CFDP1: variants seen among roughly 807,000 people sequenced by gnomAD.
CFDP1 encodes heterochromatin-stabilizing protein CFDP1.
Under a neutral mutation model 40.1 loss-of-function variants are expected in CFDP1, and 31 were observed. The observed-to-expected ratio is 0.77, with a 90% CI of 0.58 to 1.04. CFDP1 has a LOEUF of 1.04. CFDP1 is among the 50% of genes least tolerant of loss of function. CFDP1 has a pLI of 0.00. For synonymous variants in CFDP1, 167 were observed against 120.0 expected (o/e 1.39, Z -2.56); for missense variants, 423 against 343.4 (o/e 1.23, Z -1.83).
intron 5 of CFDP1, among the ~76,000 whole-genome samples, chr16:75,381,768 G>A (rs1184443936): frequency 6.6e-6 from 1 of 152,176 alleles, no homozygotes; most frequent in African/African-American, 2.4e-5. Flanking sequence ...CTTGCAAGCA[G>A]CAAGAGATAT....
chr16:75,362,409 C>T (rs888566109), intron 5 of CFDP1, among the ~76,000 whole-genome samples: 2 of 152,200 alleles, frequency 1.3e-5, no homozygotes, highest in African/African-American at 2.4e-5. Context: ...CTCCCGTCTT[C>T]CAGGCAAGGC....
At chr16:75,430,150 G>A (rs1288429861) in intron 1 of CFDP1, among the ~76,000 whole-genome samples, 3 of 143,512 alleles carry the variant, frequency 2.1e-5, no homozygotes, top group African/African-American at 5.1e-5. Context: ...AGAGGTTGTG[G>A]AGACCAGAGG....
chr16:75,427,062 AAC>A (rs1197185286), intron 1 of CFDP1, among the ~76,000 whole-genome samples: 5 of 151,812 alleles, frequency 3.3e-5, no homozygotes, highest in African/African-American at 1.2e-4. Context: ...AAAAAAAAAA[AAC>A]AAAACAAATA....
intron 6 of CFDP1, among the ~76,000 whole-genome samples, chr16:75,297,192 G>A (rs1307862439): frequency 6.6e-6 from 1 of 150,804 alleles, no homozygotes; most frequent in Non-Finnish European, 1.5e-5. Flanking sequence ...GTGTGTGTGT[G>A]TGTTTTTAGT....
intron 6 of CFDP1, among the ~76,000 whole-genome samples, chr16:75,301,275 T>G (rs1284979634): frequency 6.6e-6 from 1 of 152,130 alleles, no homozygotes; most frequent in East Asian, 1.9e-4. Context: ...GAGCCAAGAT[T>G]TGAATTGTTT....
At chr16:75,380,134 T>A (rs1192820642) in intron 5 of CFDP1, 2 of 149,872 alleles carry the variant, frequency 1.3e-5, no homozygotes, top group East Asian at 3.9e-4. Context: ...CAAAACTCCA[T>A]CTGAAAAAAA....
chr16:75,372,976 T>C (rs1404526848), intron 5 of CFDP1, among the ~76,000 whole-genome samples: 2 of 152,214 alleles, frequency 1.3e-5, no homozygotes, highest in African/African-American at 4.8e-5. Context: ...ATTCAACATC[T>C]TGTTGTTTTA....
At chr16:75,351,542 T>C (rs931610047) in intron 5 of CFDP1, among the ~76,000 whole-genome samples, 1 of 152,194 alleles carries the variant, frequency 6.6e-6, no homozygotes, top group Non-Finnish European at 1.5e-5. Flanking sequence ...TGAGAATCAA[T>C]AAGGATAATG....
At chr16:75,414,750 G>C in intron 1 of CFDP1, 55 bp from the exon 2 acceptor site, 1 of 1,211,082 alleles carries the variant, frequency 8.3e-7, no homozygotes, top group South Asian at 1.3e-5. Flanking sequence ...ACATCAAGAT[G>C]AGACATTTTC....
intron 5 of CFDP1, among the ~76,000 whole-genome samples, chr16:75,328,144 ATTTTTTT>A (rs1262815642): frequency 2.4e-5 from 3 of 127,638 alleles, no homozygotes; most frequent in Non-Finnish European, 3.3e-5. Flanking sequence ...TTGGTACTTG[ATTTTTTT>A]TTTTTTTTTT....
chr16:75,412,887 A>T (rs1189554726), intron 2 of CFDP1, 133 bp from the exon 3 acceptor site: 2 of 605,550 alleles, frequency 3.3e-6, no homozygotes, highest in Non-Finnish European at 2.8e-6. Flanking sequence ...AATATACTGA[A>T]GTGAGTAGAA....
chr16:75,401,933 T>C (rs2079058661), intron 4 of CFDP1, among the ~76,000 whole-genome samples: 1 of 152,200 alleles, frequency 6.6e-6, no homozygotes, highest in Admixed American at 6.5e-5. Flanking sequence ...GTCATTGTAA[T>C]ACATGATATA....
intron 5 of CFDP1, among the ~76,000 whole-genome samples, chr16:75,318,068 C>T (rs1042914949): frequency 6.6e-6 from 1 of 152,014 alleles, no homozygotes; most frequent in Non-Finnish European, 1.5e-5. Flanking sequence ...TTGCAGTGTG[C>T]CGAGATCGCG....
intron 5 of CFDP1, among the ~76,000 whole-genome samples, chr16:75,361,814 G>A (rs972868760): frequency 1.3e-5 from 2 of 152,064 alleles, no homozygotes; most frequent in African/African-American, 4.8e-5. Flanking sequence ...GTTTCTTTTT[G>A]AATTTCTCAA....
intron 4 of CFDP1, among the ~76,000 whole-genome samples, chr16:75,404,556 T>C (rs1196563331): frequency 6.6e-6 from 1 of 152,130 alleles, no homozygotes; most frequent in East Asian, 1.9e-4. Context: ...GTGGCCTAAC[T>C]TATCCCCATC....
At chr16:75,369,517 G>C (rs1012698104) in intron 5 of CFDP1, among the ~76,000 whole-genome samples, 1 of 152,162 alleles carries the variant, frequency 6.6e-6, no homozygotes, top group Non-Finnish European at 1.5e-5. Flanking sequence ...CTTCGCAGTA[G>C]GTTGCCTATT....
chr16:75,358,664 A>G (rs1431439304), intron 5 of CFDP1, among the ~76,000 whole-genome samples: 3 of 152,208 alleles, frequency 2.0e-5, no homozygotes, highest in Non-Finnish European at 4.4e-5. Flanking sequence ...AATGACTGGC[A>G]GATAGACTAT....
intron 5 of CFDP1, among the ~76,000 whole-genome samples, chr16:75,320,728 C>G (rs1420861372): frequency 2.6e-5 from 4 of 152,176 alleles, no homozygotes; most frequent in Non-Finnish European, 4.4e-5. Flanking sequence ...ATTGTTCTCA[C>G]TGTTCAGATG....
intron 5 of CFDP1, among the ~76,000 whole-genome samples, chr16:75,334,736 CTG>C: frequency 6.6e-6 from 1 of 152,226 alleles, no homozygotes; most frequent in East Asian, 1.9e-4. Flanking sequence ...AGGCGGATAA[CTG>C]GAGGTGAGGA....
Sources: allele counts gnomAD v4.1 joint callset (sites outside exome capture counted in the v4.1 genomes callset), GRCh38; gene constraint gnomAD v4.1.1; transcripts MANE v1.5; gene names NCBI Gene and HGNC (gene_info 2026-07-23, HGNC 2026-07-21).